Variants in L3MBTL1 observed in about 807,000 individuals in gnomAD.
L3MBTL1 encodes lethal(3)malignant brain tumor-like protein 1.
In L3MBTL1, 75 loss-of-function variants were observed where a neutral mutation model predicts 105.3. The observed-to-expected ratio is 0.71, with a 90% CI of 0.59 to 0.86. L3MBTL1 has a LOEUF of 0.86. L3MBTL1 is among the 40% of genes least tolerant of loss of function. The pLI is 0.00. For missense variants in L3MBTL1, 1,069 were observed against 1,126.4 expected (o/e 0.95, Z 0.73); for synonymous variants, 452 against 436.2 (o/e 1.04, Z -0.45).
chr20:43,510,406 C>CT (rs11476429), intron 1 of L3MBTL1, among the ~76,000 whole-genome samples: 38,157 of 127,378 alleles, frequency 0.3, 7,113 homozygotes, highest in Non-Finnish European at 0.41. Context: ...TTCTTTCTTT[C>CT]TTTTTTTTTT....
At chr20:43,527,359 G>A (rs2019087190) in intron 7 of L3MBTL1, among the ~76,000 whole-genome samples, 1 of 152,244 alleles carries the variant, frequency 6.6e-6, no homozygotes, top group Non-Finnish European at 1.5e-5. Context: ...GGCAGCTCAT[G>A]CTAATCTGGT....
rs748223987 is a variant in L3MBTL1 at position 43,541,069 on chromosome 20, T to C, written c.2530T>C (p.Cys844Arg). 1.2e-6 allele frequency: 2 copies of C among 1,614,236 alleles called. No homozygotes were observed. Among genetic ancestry groups the C allele is most frequent in the Non-Finnish European group, 8.5e-7 (1 of 1,180,044 alleles). ...ILETGVHSLL[C>R]SLPTHLLAKL... The stretch of plus-strand genomic sequence containing the variant: ...GGAGACAGGAGTCCATTCACTCCTC[T>C]GCTCTCTACCCACTCATTTGCTTGC... The change falls in exon 22 of 22, where the codon TGC becomes CGC. Residue 844 changes from cysteine to arginine, a missense_variant. Physicochemically the swap from Cys to Arg is radical, Grantham distance 180. Coordinates refer to ENST00000418998, the MANE Select transcript of L3MBTL1 (RefSeq NM_001377303.1).
downstream of L3MBTL1, among the ~76,000 whole-genome samples, chr20:43,543,064 T>A (rs1267300301): frequency 2.0e-5 from 3 of 151,958 alleles, no homozygotes; most frequent in Non-Finnish European, 4.4e-5. Context: ...TCATGTCAAC[T>A]ACAGTCGAAC....
At chr20:43,536,678 G>C (rs2019651056) in intron 19 of L3MBTL1, among the ~76,000 whole-genome samples, 1 of 152,174 alleles carries the variant, frequency 6.6e-6, no homozygotes, top group Non-Finnish European at 1.5e-5. Flanking sequence ...TGGCCTTGCT[G>C]TGAGTCTGTG....
chr20:43,545,364 T>TA (rs1055120504), downstream of L3MBTL1, among the ~76,000 whole-genome samples: 3,780 of 134,378 alleles, frequency 0.028, 69 homozygotes, highest in Non-Finnish European at 0.039. Context: ...GACTCAGTCT[T>TA]AAAAAAAAAA....
At chr20:43,525,626 A>G (rs2018991871) in intron 7 of L3MBTL1, among the ~76,000 whole-genome samples, 1 of 152,212 alleles carries the variant, frequency 6.6e-6, no homozygotes, top group Non-Finnish European at 1.5e-5. Context: ...TTGTTCAACA[A>G]TAGAAAAAGG....
At chr20:43,528,906 C>T (rs1051192665) in intron 8 of L3MBTL1, 161 bp downstream of exon 8, 4 of 641,624 alleles carry the variant, frequency 6.2e-6, no homozygotes, top group African/African-American at 3.6e-5. Flanking sequence ...GAAAAGGGCC[C>T]CCCATAAGGG....
rs763450892 is a variant in L3MBTL1, at chr20:43,540,985, G to A, written c.2446G>A (p.Val816Met). ...HVSGKTLVWT[V>M]AQLGDLVCSD... The stretch of plus-strand genomic sequence containing the variant: ...ATCTGGGAAGACTCTAGTCTGGACT[G>A]TGGCCCAGCTTGGGGACCTTGTGTG... The change falls in exon 22 of 22, where the codon GTG (valine) becomes ATG (methionine). Residue 816 changes from valine to methionine, a missense_variant. Coordinates refer to ENST00000418998, the MANE Select transcript of L3MBTL1 (RefSeq NM_001377303.1). 1 of 1,614,206 alleles carries A rather than the reference G, an allele frequency of 6.2e-7. No homozygotes were observed.
rs1176856356 is a variant in L3MBTL1 at position 43,522,457 on chromosome 20, G to GTTTTTTTTTT, written c.863-6178_863-6169dup. On this transcript the variant is annotated intron_variant, in intron 7 of 21. Coordinates refer to ENST00000418998, the MANE Select transcript of L3MBTL1 (RefSeq NM_001377303.1). ...TGGTAACTGAATTTTTCCCTGCTAA[G>GTTTTTTTTTT]TTTTTTTTTTTTTTTTTTTTTTTTT... Among the ~76,000 whole-genome samples, 692 of 95,596 alleles carry GTTTTTTTTTT rather than the reference G, an allele frequency of 7.2e-3. 104 individuals carry two copies. Among genetic ancestry groups the GTTTTTTTTTT allele is most frequent in the East Asian group, 0.043 (114 of 2,644 alleles). The allele number at this position is 95,596 out of a possible 152,430, so 62.7% of individuals were successfully genotyped here. A position where few individuals can be genotyped will look rare whatever the true frequency, so the allele number is the denominator to read the frequency against.
At chr20:43,548,946 TTG>T (rs1051673029) in exon 19 of L3MBTL1, 1 of 152,230 alleles carries the variant, frequency 6.6e-6, no homozygotes, top group Non-Finnish European at 1.5e-5. Flanking sequence ...TCTGGACCAG[TTG>T]GCATTTTAGT....
chr20:43,528,605 G>T (rs938011094), intron 7 of L3MBTL1, 52 bp from the exon 8 acceptor site: 25 of 1,400,708 alleles, frequency 1.8e-5, no homozygotes, highest in Non-Finnish European at 2.0e-5. Context: ...GCCGAAGAAA[G>T]TCATATATCA....
Position 43,535,880 on chromosome 20 carries a change from T to A in L3MBTL1, c.1869T>A (p.Pro623=). ...PSSASPGGCP[P]LSYRSLPHTR... Reference sequence around the variant, plus strand: ...CTGCCTCCCCTGGGGGCTGTCCCCCTCTCAGCTATAGGAGCCTGCCCCACA... The same window carrying A: ...CTGCCTCCCCTGGGGGCTGTCCCCCACTCAGCTATAGGAGCCTGCCCCACA... Residue 623 remains proline (P), a synonymous_variant, in exon 17 of 22, where the codon CCT becomes CCA. Coordinates refer to ENST00000418998, the MANE Select transcript of L3MBTL1 (RefSeq NM_001377303.1). The A allele has an allele frequency of 6.2e-7, 1 of 1,612,728 alleles. No individual in the cohort carries two copies. Among genetic ancestry groups the A allele is most frequent in the Non-Finnish European group, 8.5e-7 (1 of 1,179,424 alleles).
intron 19 of L3MBTL1, chr20:43,539,334 G>C (rs996695150): frequency 1.3e-5 from 2 of 153,270 alleles, no homozygotes; most frequent in African/African-American, 4.8e-5. Flanking sequence ...GGCCGGCCAA[G>C]GCTGACAGCA....
Position 43,532,782 on chromosome 20 carries a change from C to T in L3MBTL1, c.1294C>T (p.Pro432Ser), listed in dbSNP as rs200425443. ...LFVSQSHSPP[P>S]LGFQVGMKLE... is the part of the protein sequence containing the mutation. ...CCTTTTTTTCCCCTAGAGTCCCCCA[C>T]CCCTGGGCTTCCAGGTGGGCATGAA... The change falls in exon 12 of 22, where the codon CCC (proline) becomes TCC (serine). Residue 432 changes from proline (P) to serine (S), a missense_variant. Pro to Ser is a moderately conservative substitution (Grantham distance 74). Coordinates refer to ENST00000418998, the MANE Select transcript of L3MBTL1 (RefSeq NM_001377303.1). The T allele has an allele frequency of 8.1e-6, 13 of 1,614,228 alleles. No homozygotes were observed. The Admixed American group carries it at 1.8e-4, about 23-fold the overall frequency.
chr20:43,547,263 C>G (rs528412601), intron 18 of L3MBTL1, among the ~76,000 whole-genome samples: 3 of 152,228 alleles, frequency 2.0e-5, no homozygotes, highest in Admixed American at 2.0e-4. Context: ...CGCCACCACG[C>G]CCAGCTAATT....
chr20:43,510,409 T>TC (rs548216947), intron 1 of L3MBTL1, among the ~76,000 whole-genome samples: 209 of 141,998 alleles, frequency 1.5e-3, no homozygotes, highest in African/African-American at 4.6e-3. Context: ...TTTCTTTCTT[T>TC]TTTTTTTTTT....
downstream of L3MBTL1, among the ~76,000 whole-genome samples, chr20:43,546,211 C>G (rs116794180): frequency 3.0e-3 from 463 of 152,288 alleles, 1 homozygote; most frequent in African/African-American, 0.011. Flanking sequence ...AGAAGACACC[C>G]AGTTATTGGG....
intron 19 of L3MBTL1, 46 bp downstream of exon 19, chr20:43,536,504 C>A: frequency 6.3e-7 from 1 of 1,596,716 alleles, no homozygotes; most frequent in Non-Finnish European, 8.6e-7. Flanking sequence ...ACAGAGTGTT[C>A]ACAGCGAGTG....
chr20:43,522,371 AAGAAGATATAAT>A (rs2018758633), intron 7 of L3MBTL1, among the ~76,000 whole-genome samples: 1 of 151,760 alleles, frequency 6.6e-6, no homozygotes, highest in South Asian at 2.1e-4. Context: ...ATGATACAGA[AAGAAGATATAAT>A]ATCAATACAC....
Sources: gnomAD v4.1 joint callset for allele counts (sites outside exome capture counted in the v4.1 genomes callset) on GRCh38, gnomAD v4.1.1 for gene constraint, MANE v1.5 for transcripts, NCBI Gene and HGNC (gene_info 2026-07-23, HGNC 2026-07-21) for gene names.